PADI3: variants seen among roughly 807,000 people sequenced by gnomAD.
PADI3 encodes peptidyl arginine deiminase 3, also known as protein-arginine deiminase type-3.
Under a neutral mutation model 71.5 loss-of-function variants are expected in PADI3, and 53 were observed. The observed-to-expected ratio is 0.74, with a 90% confidence interval of 0.59 to 0.93. The LOEUF is 0.93. Ranked by LOEUF, PADI3 falls within the 40% of genes least tolerant of loss-of-function variation. PADI3 has a pLI of 0.00. For synonymous variants in PADI3, 361 were observed against 347.5 expected, an observed-to-expected ratio of 1.04 and a Z score of -0.43; for missense variants, 821 against 868.0, an observed-to-expected ratio of 0.95 and a Z score of 0.68.
chr1:17,259,658 G>T lies in PADI3; in HGVS notation c.173G>T (p.Arg58Met), dbSNP rs974621772. The T allele has an allele frequency of 1.9e-6, 3 of 1,613,870 alleles. No individual in the cohort carries two copies. Among genetic ancestry groups the T allele is most frequent in the Non-Finnish European group, 2.5e-6 (3 of 1,179,800 alleles). The change falls in exon 2 of 16, where the codon AGG becomes ATG. Residue 58 changes from arginine to methionine, a missense_variant. Arg to Met is a moderately conservative substitution (Grantham distance 91). Transcript: ENST00000375460. ...ATCTACATCTCTCCCAACATGGAGA[G>T]GGGCCGGGAGCGTGCAGACACCAGG... ...VDIYISPNME[R>M]GRERADTRRW...
chr1:17,249,535 T>C (rs1241003275), intron 1 of PADI3, among the ~76,000 whole-genome samples: 1 of 152,186 alleles, frequency 6.6e-6, no homozygotes, highest in Non-Finnish European at 1.5e-5. Flanking sequence ...CAAGGGATGC[T>C]GCAGGTTGGG....
intron 1 of PADI3, among the ~76,000 whole-genome samples, chr1:17,254,310 C>A (rs1357700256): frequency 6.6e-6 from 1 of 152,052 alleles, no homozygotes; most frequent in African/African-American, 2.4e-5. Context: ...TCGGTGGAGA[C>A]CTCGTTGGTC....
In PADI3 at chr1:17,270,894, C is replaced by T. The variant is rs1415919432; in HGVS notation, c.847C>T (p.Pro283Ser). 9.3e-6 allele frequency: 15 copies of T among 1,614,036 alleles called. No homozygotes were observed. The highest frequency in any genetic ancestry group is 1.7e-5 in the Admixed American group (1 of 60,006). Residue 283 changes from proline (P) to serine (S), a missense_variant, in exon 8 of 16, where the codon CCT becomes TCT. Pro to Ser is a moderately conservative substitution (Grantham distance 74). Coordinates refer to ENST00000375460, the MANE Select transcript of PADI3 (RefSeq NM_016233.2). ...DDSNEDFSAS[P>S]IFTDTVVFRV... ...GCCCCTGCAGGATTTCTCGGCATCC[C>T]CTATCTTCACTGACACTGTGGTGTT...
chr1:17,252,706 G>A (rs766419856), intron 1 of PADI3, among the ~76,000 whole-genome samples: 2 of 152,164 alleles, frequency 1.3e-5, no homozygotes, highest in African/African-American at 2.4e-5. Context: ...GTCTGGCCCA[G>A]TTTCATTCTT....
chr1:17,249,879 C>G (rs892979876), intron 1 of PADI3, among the ~76,000 whole-genome samples: 2 of 152,212 alleles, frequency 1.3e-5, no homozygotes, highest in African/African-American at 4.8e-5. Context: ...GGTTTAAACC[C>G]GCTTGTGGTC....
intron 2 of PADI3, among the ~76,000 whole-genome samples, chr1:17,260,780 C>T (rs1212901755): frequency 6.6e-6 from 1 of 152,166 alleles, no homozygotes; most frequent in African/African-American, 2.4e-5. Flanking sequence ...TAGCGAGCGG[C>T]AGAGCTGGTG....
At chr1:17,281,457 T>TTC (rs2073399877) in intron 15 of PADI3, among the ~76,000 whole-genome samples, 1 of 150,200 alleles carries the variant, frequency 6.7e-6, no homozygotes, top group Non-Finnish European at 1.5e-5. Context: ...TTTCTTTTTT[T>TTC]TTTTTTGAGA....
intron 5 of PADI3, 125 bp downstream of exon 5, chr1:17,266,961 C>T (rs983093840): frequency 8.2e-6 from 6 of 727,478 alleles, no homozygotes; most frequent in African/African-American, 1.7e-5. Context: ...CCTCCAGACA[C>T]ACCTCGATGC....
In PADI3 at chr1:17,265,663, C is replaced by T; in HGVS notation, c.351C>T (p.Ile117=). The T allele has an allele frequency of 6.2e-7, 1 of 1,614,132 alleles. No individual in the cohort carries two copies. Among genetic ancestry groups the T allele is most frequent in the Non-Finnish European group, 8.5e-7 (1 of 1,179,982 alleles). ...ACCCTCTGCCTCCTCTTGCAGACATCTCTCTGGATTGCGACCTGAACTGTG... is the reference window on the plus strand; with the variant it reads ...ACCCTCTGCCTCCTCTTGCAGACATTTCTCTGGATTGCGACCTGAACTGTG... ...YAVLYLTCVD[I]SLDCDLNCEG... Residue 117 remains isoleucine (I), a synonymous_variant, in exon 4 of 16, where the codon ATC becomes ATT. Transcript: ENST00000375460.
intron 2 of PADI3, among the ~76,000 whole-genome samples, chr1:17,261,842 A>G (rs1011843527): frequency 1.3e-5 from 2 of 152,138 alleles, no homozygotes; most frequent in Non-Finnish European, 2.9e-5. Flanking sequence ...CAAACCCTTT[A>G]TTTTACAAAT....
At chr1:17,265,788 A>T in intron 4 of PADI3, 68 bp downstream of exon 4, 1 of 1,397,448 alleles carries the variant, frequency 7.2e-7, no homozygotes, top group Non-Finnish European at 1.0e-6. Context: ...TGGGTTAAGA[A>T]GGATGAGGCC....
Position 17,280,718 on chromosome 1 carries a change from G to A in PADI3, c.1683G>A (p.Leu561=). The change falls in exon 15 of 16, where the codon CTG becomes CTA. Residue 561 remains leucine, a synonymous_variant. Coordinates refer to ENST00000375460, the MANE Select transcript of PADI3 (RefSeq NM_016233.2). ...AGGTGCTGAAGCGGGAGCTGGGCCT[G>A]GCAGAGTGTGACATCATTGACATCC... ...NREVLKRELG[L]AECDIIDIPQ... is the part of the protein sequence containing the mutation. 1 of 1,614,194 alleles carries A rather than the reference G, an allele frequency of 6.2e-7. No individual in the cohort carries two copies. The highest frequency in any genetic ancestry group is 1.1e-5 in the South Asian group (1 of 91,080).
intron 9 of PADI3, 34 bp downstream of exon 9, chr1:17,271,212 A>G (rs1257463158): frequency 6.3e-7 from 1 of 1,578,414 alleles, no homozygotes; most frequent in African/African-American, 1.3e-5. Context: ...CCCAGCAAGG[A>G]CGCCATCCTG....
chr1:17,281,387 T>A (rs146255838), intron 15 of PADI3, among the ~76,000 whole-genome samples: 1 of 152,284 alleles, frequency 6.6e-6, no homozygotes, highest in Non-Finnish European at 1.5e-5. Flanking sequence ...ATGGAAGAAG[T>A]GGCTTTTGAC....
intron 15 of PADI3, among the ~76,000 whole-genome samples, chr1:17,282,576 A>T (rs1464756094): frequency 6.6e-6 from 1 of 152,166 alleles, no homozygotes; most frequent in Non-Finnish European, 1.5e-5. Flanking sequence ...CTGCAGCACA[A>T]ACATGGCAGC....
At chr1:17,280,216 T>G (rs2073383843) in intron 13 of PADI3, 134 bp from the exon 14 acceptor site, 3 of 707,530 alleles carry the variant, frequency 4.2e-6, no homozygotes, top group Admixed American at 4.1e-5. Context: ...ACCCAAGGCC[T>G]GGGAAAGTCA....
chr1:17,259,243 G>C (rs925937548), intron 1 of PADI3, among the ~76,000 whole-genome samples: 3 of 152,152 alleles, frequency 2.0e-5, no homozygotes, highest in African/African-American at 7.2e-5. Context: ...CTATTTTCTT[G>C]TATTTTTAGT....
At chr1:17,271,526 G>C (rs2073251120) in intron 9 of PADI3, among the ~76,000 whole-genome samples, 2 of 152,174 alleles carry the variant, frequency 1.3e-5, no homozygotes, top group Admixed American at 1.3e-4. Flanking sequence ...TCTGCAGACA[G>C]TGCGCAGGAC....
At chr1:17,252,557 C>A (rs1557495741) in intron 1 of PADI3, among the ~76,000 whole-genome samples, 1 of 152,110 alleles carries the variant, frequency 6.6e-6, no homozygotes, top group Non-Finnish European at 1.5e-5. Context: ...GCGTGCACCA[C>A]CATCCCCGAC....
Sources: allele counts gnomAD v4.1 joint callset (sites outside exome capture counted in the v4.1 genomes callset), GRCh38; gene constraint gnomAD v4.1.1; transcripts MANE v1.5; gene names NCBI Gene and HGNC (gene_info 2026-07-23, HGNC 2026-07-21).